ERBB4: variants seen among roughly 807,000 people sequenced by gnomAD.
The protein encoded by ERBB4 is erb-b2 receptor tyrosine kinase 4.
Under a neutral mutation model 158.0 loss-of-function variants are expected in ERBB4, and 42 were observed. The observed-to-expected ratio is 0.27, with a 90% CI of 0.21 to 0.34. ERBB4 has a LOEUF of 0.34. Among genes scored for constraint, ERBB4 ranks in the 10% least tolerant of loss-of-function variants. The pLI is 1.00. For missense variants in ERBB4, 1,333 were observed against 1,624.1 expected (o/e 0.82, Z 3.08); for synonymous variants, 583 against 558.7 (o/e 1.04, Z -0.61).
intron 3 of ERBB4, among the ~76,000 whole-genome samples, chr2:211,939,966 A>AAAAAAATAT (rs1491239788): frequency 2.9e-5 from 4 of 137,386 alleles, no homozygotes; most frequent in Non-Finnish European, 6.1e-5. Flanking sequence ...GGAAAAAAAA[A>AAAAAAATAT]ATATATATAT....
At chr2:212,061,144 T>C (rs1277714984) in intron 2 of ERBB4, among the ~76,000 whole-genome samples, 5 of 151,770 alleles carry the variant, frequency 3.3e-5, no homozygotes, top group Admixed American at 3.3e-4. Context: ...GACAATAACC[T>C]CTACCAAGTA....
At chr2:212,406,280 T>C (rs1255693988) in intron 1 of ERBB4, among the ~76,000 whole-genome samples, 2 of 152,140 alleles carry the variant, frequency 1.3e-5, no homozygotes, top group Admixed American at 1.3e-4. Context: ...CCAGCAGTGA[T>C]ACCTTATGTC....
chr2:211,925,887 A>G (rs1020269501), intron 3 of ERBB4, among the ~76,000 whole-genome samples: 1 of 152,064 alleles, frequency 6.6e-6, no homozygotes, highest in Admixed American at 6.6e-5. Flanking sequence ...AATTGGAGGA[A>G]CAGATCACAT....
intron 20 of ERBB4, among the ~76,000 whole-genome samples, chr2:211,540,480 TAAG>T (rs1226420879): frequency 6.6e-6 from 1 of 151,946 alleles, no homozygotes; most frequent in African/African-American, 2.4e-5. Context: ...GGATAATATT[TAAG>T]AAGATGATGG....
chr2:211,878,010 A>C (rs2078555085), intron 3 of ERBB4, among the ~76,000 whole-genome samples: 1 of 152,342 alleles, frequency 6.6e-6, no homozygotes, highest in South Asian at 2.1e-4. Context: ...CAGGAGGCTG[A>C]GGAAGCAGAA....
At chr2:211,924,137 T>G (rs1207543433) in intron 3 of ERBB4, among the ~76,000 whole-genome samples, 1 of 152,206 alleles carries the variant, frequency 6.6e-6, no homozygotes, top group Non-Finnish European at 1.5e-5. Context: ...TAGGAAAGAC[T>G]TGTCCCTATT....
chr2:211,435,758 G>A (rs1421208871), intron 20 of ERBB4, among the ~76,000 whole-genome samples: 4 of 152,106 alleles, frequency 2.6e-5, no homozygotes, highest in Non-Finnish European at 5.9e-5. Context: ...CTCCCCTGCC[G>A]GGCCCCCACA....
At chr2:212,003,858 TG>T (rs1414458040) in intron 2 of ERBB4, among the ~76,000 whole-genome samples, 1 of 152,070 alleles carries the variant, frequency 6.6e-6, no homozygotes, top group Admixed American at 6.6e-5. Context: ...CAGATGACCT[TG>T]GGCAAGTTAT....
chr2:211,666,235 A>G (rs1277308700), intron 14 of ERBB4, among the ~76,000 whole-genome samples: 2 of 152,186 alleles, frequency 1.3e-5, no homozygotes, highest in Non-Finnish European at 2.9e-5. Context: ...ACTGAAAGCC[A>G]TATAAATGCA....
chr2:211,637,381 T>A (rs1435610510), intron 16 of ERBB4, among the ~76,000 whole-genome samples: 5 of 151,956 alleles, frequency 3.3e-5, no homozygotes, highest in Admixed American at 1.3e-4. Context: ...ATGTATATAA[T>A]TTAAACATAG....
At chr2:211,456,280 G>GTGTTTT (rs2064379481) in intron 20 of ERBB4, among the ~76,000 whole-genome samples, 1 of 152,144 alleles carries the variant, frequency 6.6e-6, no homozygotes, top group East Asian at 1.9e-4. Context: ...TTCTATGTCT[G>GTGTTTT]TGTTTTTGCT....
At chr2:212,330,131 TAACA>T (rs1230874431) in intron 1 of ERBB4, among the ~76,000 whole-genome samples, 1 of 152,114 alleles carries the variant, frequency 6.6e-6, no homozygotes, top group Non-Finnish European at 1.5e-5. Context: ...ATTTGGCCAC[TAACA>T]ACCATTGTGT....
chr2:211,679,127 C>T lies in ERBB4; in HGVS notation c.1547G>A (p.Gly516Glu), dbSNP rs767818461. Reference protein sequence around the residue: ...LCSSDGCWGPGPDQCLSCRRF... With the variant: ...LCSSDGCWGPEPDQCLSCRRF... ...GCGACACGACAGACATTGGTCTGGC[C>T]CAGGTCCCCAACAGCCATCACTGGA... Residue 516 changes from glycine (G) to glutamate (E), a missense_variant, in exon 13 of 28, where the codon GGG becomes GAG. Around this residue, in one of 5 missense-constraint regions of ERBB4, gnomAD observed 245 missense variants for 247.5 expected, o/e 0.99. Coordinates refer to ENST00000342788, the MANE Select transcript of ERBB4 (RefSeq NM_005235.3). The T allele has an allele frequency of 6.2e-7, 1 of 1,613,874 alleles. No homozygotes were observed. The highest frequency in any genetic ancestry group is 1.1e-5 in the South Asian group (1 of 91,046).
At chr2:212,159,580 CT>C (rs527590787) in intron 1 of ERBB4, among the ~76,000 whole-genome samples, 9 of 151,908 alleles carry the variant, frequency 5.9e-5, no homozygotes, top group Non-Finnish European at 1.0e-4. Flanking sequence ...GTGGGAGTTG[CT>C]GCTTTCCCAA....
chr2:211,691,004 C>A (rs908044742), intron 12 of ERBB4, among the ~76,000 whole-genome samples: 24 of 151,952 alleles, frequency 1.6e-4, no homozygotes, highest in African/African-American at 5.3e-4. Context: ...GAACACTGAA[C>A]CTGCTTTAAC....
At chr2:211,830,070 T>C (rs2077186699) in intron 3 of ERBB4, among the ~76,000 whole-genome samples, 1 of 152,190 alleles carries the variant, frequency 6.6e-6, no homozygotes, top group African/African-American at 2.4e-5. Flanking sequence ...CTATCCCCTG[T>C]ACCTATCCTA....
At chr2:211,935,094 T>C (rs1041507863) in intron 3 of ERBB4, among the ~76,000 whole-genome samples, 4 of 152,058 alleles carry the variant, frequency 2.6e-5, no homozygotes, top group Non-Finnish European at 5.9e-5. Context: ...AAATCAGCAG[T>C]TATACTACCT....
chr2:211,790,920 T>G (rs2106324450), intron 3 of ERBB4, among the ~76,000 whole-genome samples: 1 of 152,064 alleles, frequency 6.6e-6, no homozygotes, highest in South Asian at 2.1e-4. Flanking sequence ...GTCTTACACT[T>G]TCTTTTGATT....
At chr2:212,239,912 T>C (rs1243170914) in intron 1 of ERBB4, among the ~76,000 whole-genome samples, 2 of 152,206 alleles carry the variant, frequency 1.3e-5, no homozygotes, top group Admixed American at 6.5e-5. Context: ...AATATTGTTA[T>C]ACATTAAGAG....
Sources: gnomAD v4.1 joint callset for allele counts (sites outside exome capture counted in the v4.1 genomes callset) on GRCh38, gnomAD v4.1.1 for gene constraint, gnomAD v4.1.1 regional missense constraint, MANE v1.5 for transcripts, NCBI Gene and HGNC (gene_info 2026-07-23, HGNC 2026-07-21) for gene names.